The following CCDC59 variants were observed in gnomAD, a reference collection of about 807,000 sequenced individuals.
The protein encoded by CCDC59 is coiled-coil domain containing 59, also known as thyroid transcription factor 1-associated protein 26.
In CCDC59, 27 loss-of-function variants were observed where a neutral mutation model predicts 30.5. The observed-to-expected ratio is 0.89, with a 90% CI of 0.65 to 1.22. The LOEUF is 1.22. Ranked by LOEUF, CCDC59 falls within the 50% of genes most tolerant of loss-of-function variation. The pLI is 0.00. For missense variants in CCDC59, 362 were observed against 284.4 expected (o/e 1.27, Z -1.96); for synonymous variants, 125 against 100.9 (o/e 1.24, Z -1.43).
chr12:82,356,199 T>C (rs1881004272), intron 2 of CCDC59: 1 of 152,210 alleles, frequency 6.6e-6, no homozygotes, highest in Non-Finnish European at 1.5e-5. Flanking sequence ...AATTTTAGAT[T>C]TTAGCATTGT....
chr12:82,353,312 C>T lies in CCDC59; in HGVS notation c.565G>A (p.Glu189Lys), dbSNP rs141837755. The T allele has an allele frequency of 5.5e-5, 87 of 1,592,028 alleles. No homozygotes were observed. Among genetic ancestry groups the T allele is most frequent in the Non-Finnish European group, 7.2e-5 (84 of 1,173,032 alleles). Residue 189 changes from glutamate to lysine, a missense_variant and splice_region_variant, in exon 4 of 4, where the codon GAA becomes AAA. By Grantham distance (56) the Glu-to-Lys change is moderately conservative. Transcript: ENST00000256151. ...CTCTCCTGTTTTCTCCTCTCGAATT[C>T]CTAAAATTATTAACATATGTAACTT... ...IQAKRAAKKQ[E>K]FERRKQEREE...
chr12:82,358,122 AC>A (rs1264460902), intron 1 of CCDC59, 100 bp downstream of exon 1: 11 of 1,363,716 alleles, frequency 8.1e-6, no homozygotes, highest in Non-Finnish European at 1.1e-5. Flanking sequence ...CCCAAGTAGG[AC>A]CGGGTCTGGT....
rs376117871 is a variant in CCDC59, at chr12:82,352,820, G to T, written c.*331C>A. 1.2e-5 allele frequency: 2 copies of T among 167,164 alleles called. No homozygotes were observed. The highest frequency in any genetic ancestry group is 3.9e-4 in the South Asian group (2 of 5,186). 10.4% of individuals were successfully genotyped at this position (167,164 alleles called of 1,614,324 possible). The stretch of plus-strand genomic sequence containing the variant: ...CTAAATTGAAATATTTCATTGAAAT[G>T]CTTCATTGATAGCTCTGATTCCTTA... On this transcript the variant is annotated 3_prime_UTR_variant, in exon 4 of 4. Coordinates refer to ENST00000256151, the MANE Select transcript of CCDC59 (RefSeq NM_014167.5).
rs759128947 is a variant in CCDC59 at position 82,358,295 on chromosome 12, T to C, written c.82A>G (p.Arg28Gly). ...RGEGVSTVGY[R>G]NKNVRQKTWR... is the part of the protein sequence containing the mutation. ...GTCTTCTGTCTCACATTCTTATTCC[T>C]GTACCCGACAGTGGAAACCCCTTCA... Residue 28 changes from arginine to glycine, a missense_variant, in exon 1 of 4, where the codon AGG becomes GGG. Transcript: ENST00000256151. 10 of 1,614,100 alleles carry C rather than the reference T, an allele frequency of 6.2e-6. No individual in the cohort carries two copies. The highest frequency in any genetic ancestry group is 2.7e-5 in the African/African-American group (2 of 74,952).
At chr12:82,354,973 C>A (rs1235843058) in intron 2 of CCDC59, 1 of 160,906 alleles carries the variant, frequency 6.2e-6, no homozygotes, top group Non-Finnish European at 1.3e-5. Context: ...GATCTAGATA[C>A]CATTTTGAAC....
At position 82,354,505 on chromosome 12, in the gene CCDC59, G is replaced by A. The variant is rs1432387930; in HGVS notation, c.554C>T (p.Ala185Val). 2.5e-6 allele frequency: 4 copies of A among 1,589,690 alleles called. No homozygotes were observed. The highest frequency in any genetic ancestry group is 3.4e-6 in the Non-Finnish European group (4 of 1,168,348). The change falls in exon 3 of 4, where the codon GCT becomes GTT. Residue 185 changes from alanine (A) to valine (V), a missense_variant. Physicochemically the swap from Ala to Val is moderately conservative, Grantham distance 64. Transcript: ENST00000256151. ...CAAAGTAGAACTTACTTGTTTCTTA[G>A]CAGCACGTTTGGCTTGTATCTGTTC... ...EYEQIQAKRA[A>V]KKQEFERRKQ...
At chr12:82,355,868 CCGTAATCTTTAAAAG>C (rs1880990193) in intron 2 of CCDC59, 1 of 152,164 alleles carries the variant, frequency 6.6e-6, no homozygotes, top group Non-Finnish European at 1.5e-5. Flanking sequence ...CCAAAATAAA[CCGTAATCTTTAAAAG>C]CATGATTTTT....
At chr12:82,353,955 C>G (rs1278150483) in intron 3 of CCDC59, among the ~76,000 whole-genome samples, 1 of 151,452 alleles carries the variant, frequency 6.6e-6, no homozygotes, top group African/African-American at 2.4e-5. Flanking sequence ...AAGCCTAATT[C>G]TGGTCTACAA....
At chr12:82,358,070 G>A (rs908121036) in intron 1 of CCDC59, among the ~76,000 whole-genome samples, 153 bp downstream of exon 1, 2 of 152,220 alleles carry the variant, frequency 1.3e-5, no homozygotes, top group Non-Finnish European at 1.5e-5. Context: ...AGAGCTCTGC[G>A]AAGCTCACAG....
At chr12:82,354,227 G>A (rs974172756) in intron 3 of CCDC59, among the ~76,000 whole-genome samples, 12 of 152,214 alleles carry the variant, frequency 7.9e-5, no homozygotes, top group African/African-American at 2.6e-4. Context: ...CAAACTCAGT[G>A]AAACTTTGTC....
rs1255299826 is a variant in CCDC59 at position 82,353,740 on chromosome 12, T to C, written c.565-428A>G. Among the ~76,000 whole-genome samples the C allele has an allele frequency of 2.0e-5, 3 of 152,258 alleles. No individual in the cohort carries two copies. In the South Asian group the frequency reaches 6.2e-4, roughly 32 times the overall value. ...CACCAGCTTAAGAACAATGAAAACA[T>C]TTTTGATGTTAAGAATTCTTAATTA... is the stretch of plus-strand genomic sequence containing the variant. On this transcript the variant is annotated intron_variant, in intron 3 of 3. Transcript: ENST00000256151.
rs1300937552 is a variant in CCDC59 at position 82,357,408 on chromosome 12, T to C, written c.155-139A>G. 12 of 719,304 alleles carry C rather than the reference T, an allele frequency of 1.7e-5. No individual in the cohort carries two copies. In the Admixed American group the frequency reaches 3.2e-4, roughly 19 times the overall value. 44.6% of individuals were successfully genotyped at this position (719,304 alleles called of 1,614,324 possible). On this transcript the variant is annotated intron_variant, in intron 1 of 3. Transcript: ENST00000256151. ...TATTATATTTTGCTTTAAAAAATTA[T>C]TTCAAGCAACAAATTTAAGCTGATG...
upstream of CCDC59, chr12:82,358,753 G>A: frequency 2.5e-6 from 4 of 1,614,096 alleles, no homozygotes; most frequent in Non-Finnish European, 2.5e-6. Context: ...GCTGCGCTGA[G>A]GAAGTCAGCG....
At position 82,356,866 on chromosome 12, in the gene CCDC59, A is replaced by G. The variant is rs1018198314; in HGVS notation, c.464+94T>C. 8 of 1,017,184 alleles carry G rather than the reference A, an allele frequency of 7.9e-6. No homozygotes were observed. In the African/African-American group the frequency reaches 1.3e-4, roughly 16 times the overall value. 63.0% of individuals were successfully genotyped at this position (1,017,184 alleles called of 1,614,324 possible). A position where few individuals can be genotyped will look rare whatever the true frequency, so the allele number is the denominator to read the frequency against. On this transcript the variant is annotated intron_variant, in intron 2 of 3. Coordinates refer to ENST00000256151, the MANE Select transcript of CCDC59 (RefSeq NM_014167.5). ...AACCGTGACTTCTAAAATGTGTTAA[A>G]TAAGAAAAAATACAATTCCTATATA...
chr12:82,358,208 T>C lies in CCDC59; in HGVS notation c.154+15A>G. 2 of 1,614,124 alleles carry C rather than the reference T, an allele frequency of 1.2e-6. No individual in the cohort carries two copies. The highest frequency in any genetic ancestry group is 1.7e-6 in the Non-Finnish European group (2 of 1,179,976). The stretch of plus-strand genomic sequence containing the variant: ...GCAAGCCTGAGGATTTGCAAATGGT[T>C]GCCTTCTTACATACCCTCGCGAACG... On this transcript the variant is annotated intron_variant, in intron 1 of 3. Coordinates refer to ENST00000256151, the MANE Select transcript of CCDC59 (RefSeq NM_014167.5).
At chr12:82,358,774 A>T (rs1293398406), upstream of CCDC59, 1 of 1,613,354 alleles carries the variant, frequency 6.2e-7, no homozygotes, top group Non-Finnish European at 8.5e-7. Context: ...TCGGAGACGG[A>T]GGCCCTGCCC....
rs201791556 is a variant in CCDC59 at position 82,358,232 on chromosome 12, C to T, written c.145G>A (p.Val49Ile). ...TTGCCTTCTTACATACCCTCGCGAA[C>T]GCTCCCCACGAAGGCTTGCGGGTGG... Reference protein sequence around the residue: ...PNHPQAFVGSVREGQGFAFRR... With the variant: ...PNHPQAFVGSIREGQGFAFRR... Residue 49 changes from valine to isoleucine, a missense_variant, in exon 1 of 4, where the codon GTT becomes ATT. Coordinates refer to ENST00000256151, the MANE Select transcript of CCDC59 (RefSeq NM_014167.5). The T allele has an allele frequency of 1.1e-5, 18 of 1,614,152 alleles. No individual in the cohort carries two copies. The highest frequency in any genetic ancestry group is 1.4e-5 in the Non-Finnish European group (17 of 1,180,030).
In CCDC59 at chr12:82,356,990, T is replaced by G; in HGVS notation, c.434A>C (p.Gln145Pro). 6.2e-7 allele frequency: 1 copy of G among 1,613,472 alleles called. No individual in the cohort carries two copies. Among genetic ancestry groups the G allele is most frequent in the Non-Finnish European group, 8.5e-7 (1 of 1,179,380 alleles). The change falls in exon 2 of 4, where the codon CAG becomes CCG. Residue 145 changes from glutamine (Q) to proline (P), a missense_variant. Transcript: ENST00000256151. Reference protein sequence around the residue: ...FEDQCSFDQPQPEEQCIKTVN... With the variant: ...FEDQCSFDQPPPEEQCIKTVN... ...TGTTTTAATACATTGTTCTTCTGGCTGAGGCTGGTCAAAGCTACACTGATC... is the reference window on the plus strand; with the variant it reads ...TGTTTTAATACATTGTTCTTCTGGCGGAGGCTGGTCAAAGCTACACTGATC...
upstream of CCDC59, chr12:82,358,707 G>C: frequency 1.2e-6 from 2 of 1,614,192 alleles, no homozygotes; most frequent in Non-Finnish European, 1.7e-6. Flanking sequence ...ATCCGTGTGG[G>C]AGGAGCTGGT....
Sources: gnomAD v4.1 joint callset for allele counts (sites outside exome capture counted in the v4.1 genomes callset) on GRCh38, gnomAD v4.1.1 for gene constraint, MANE v1.5 for transcripts, NCBI Gene and HGNC (gene_info 2026-07-23, HGNC 2026-07-21) for gene names.